The following PPP3CA variants were observed in gnomAD, a reference collection of about 807,000 sequenced individuals.
PPP3CA encodes the protein protein phosphatase 3 catalytic subunit alpha, also known as CAM-PRP catalytic subunit.
In PPP3CA, 14 loss-of-function variants were observed where a neutral mutation model predicts 66.5. The observed-to-expected ratio is 0.21, with a 90% CI of 0.14 to 0.33. PPP3CA has a LOEUF of 0.33. Ranked by LOEUF, PPP3CA falls within the 10% of genes least tolerant of loss-of-function variation. The pLI is 1.00. For missense variants in PPP3CA, 317 were observed against 639.5 expected (o/e 0.50, Z 5.44); for synonymous variants, 232 against 226.2 (o/e 1.03, Z -0.23).
chr4:101,043,873 G>T (rs2695204), intron 10 of PPP3CA, among the ~76,000 whole-genome samples: 105,000 of 151,706 alleles, frequency 0.69, 38,687 homozygotes, highest in East Asian at 1. Flanking sequence ...GAAACTCCAT[G>T]TCAAAAAAAA....
At chr4:101,090,123 A>G (rs1729847650) in intron 6 of PPP3CA, among the ~76,000 whole-genome samples, 1 of 152,178 alleles carries the variant, frequency 6.6e-6, no homozygotes, top group Non-Finnish European at 1.5e-5. Context: ...GATCCACTTT[A>G]TAAACCATAA....
At chr4:101,250,921 C>A (rs1726654293) in intron 1 of PPP3CA, among the ~76,000 whole-genome samples, 1 of 151,930 alleles carries the variant, frequency 6.6e-6, no homozygotes, top group African/African-American at 2.4e-5. Context: ...TTTTCCCGAA[C>A]AATCAGTTTG....
chr4:101,047,052 G>A (rs1727796543), intron 10 of PPP3CA, among the ~76,000 whole-genome samples: 2 of 152,150 alleles, frequency 1.3e-5, no homozygotes, highest in Admixed American at 1.3e-4. Flanking sequence ...AACAGTTGAA[G>A]TAATCCCTAA....
intron 8 of PPP3CA, among the ~76,000 whole-genome samples, chr4:101,063,805 T>A (rs1336539993): frequency 6.6e-6 from 1 of 151,924 alleles, no homozygotes; most frequent in East Asian, 1.9e-4. Flanking sequence ...ACAAAATAGT[T>A]TAAGTTAGAT....
At chr4:101,164,813 T>C (rs1360625342) in intron 2 of PPP3CA, among the ~76,000 whole-genome samples, 1 of 152,068 alleles carries the variant, frequency 6.6e-6, no homozygotes, top group Admixed American at 6.6e-5. Flanking sequence ...ACCAATAGCA[T>C]CTATCATAAT....
At chr4:101,342,782 A>G (rs1729857579) in intron 1 of PPP3CA, among the ~76,000 whole-genome samples, 1 of 152,164 alleles carries the variant, frequency 6.6e-6, no homozygotes, top group Non-Finnish European at 1.5e-5. Flanking sequence ...AAATGACATT[A>G]TTTACTACTC....
At chr4:101,332,004 A>G (rs1729402994) in intron 1 of PPP3CA, among the ~76,000 whole-genome samples, 1 of 152,174 alleles carries the variant, frequency 6.6e-6, no homozygotes, top group South Asian at 2.1e-4. Flanking sequence ...TATGCAAGAG[A>G]AAAAGGTTGA....
intron 1 of PPP3CA, among the ~76,000 whole-genome samples, chr4:101,199,332 C>A (rs966506302): frequency 1.3e-5 from 2 of 151,712 alleles, no homozygotes; most frequent in African/African-American, 4.9e-5. Flanking sequence ...CCCTTCCTTC[C>A]TTTGCTTTGA....
At chr4:101,112,518 C>T (rs2732511) in intron 2 of PPP3CA, among the ~76,000 whole-genome samples, 25,699 of 152,012 alleles carry the variant, frequency 0.17, 2,814 homozygotes, top group African/African-American at 0.3. Flanking sequence ...ATAGAAAGAC[C>T]ACCTATCATA....
intron 1 of PPP3CA, among the ~76,000 whole-genome samples, chr4:101,222,557 C>G (rs1725659829): frequency 6.6e-6 from 1 of 151,362 alleles, no homozygotes; most frequent in East Asian, 1.9e-4. Flanking sequence ...TTAAATTGCC[C>G]AACATTACAT....
chr4:101,115,244 T>C (rs1193775877), intron 2 of PPP3CA, among the ~76,000 whole-genome samples: 1 of 151,932 alleles, frequency 6.6e-6, no homozygotes, highest in Non-Finnish European at 1.5e-5. Context: ...CCAGTGTGCT[T>C]CTAAGTAGAG....
intron 1 of PPP3CA, among the ~76,000 whole-genome samples, chr4:101,298,339 G>GATATATATATATATAT (rs3078022): frequency 2.9e-4 from 41 of 143,824 alleles, no homozygotes; most frequent in African/African-American, 9.7e-4. Flanking sequence ...CAAGCAGGGA[G>GATATATATATATATAT]ATATATATAT....
At chr4:101,181,809 C>G (rs955623917) in intron 2 of PPP3CA, among the ~76,000 whole-genome samples, 12 of 151,982 alleles carry the variant, frequency 7.9e-5, no homozygotes, top group African/African-American at 2.9e-4. Flanking sequence ...TATGAGGAGA[C>G]TTACATATAG....
intron 2 of PPP3CA, among the ~76,000 whole-genome samples, chr4:101,124,341 C>T (rs1405707940): frequency 6.6e-6 from 1 of 151,980 alleles, no homozygotes; most frequent in Non-Finnish European, 1.5e-5. Flanking sequence ...CTATGTTGGG[C>T]TGGGTGTGGT....
intron 1 of PPP3CA, among the ~76,000 whole-genome samples, chr4:101,317,553 G>A (rs1728920004): frequency 6.6e-6 from 1 of 152,024 alleles, no homozygotes; most frequent in Admixed American, 6.6e-5. Context: ...TCATGATTAA[G>A]AGGCTCGAAA....
At chr4:101,252,222 C>T (rs1325178834) in intron 1 of PPP3CA, among the ~76,000 whole-genome samples, 1 of 152,106 alleles carries the variant, frequency 6.6e-6, no homozygotes, top group Non-Finnish European at 1.5e-5. Flanking sequence ...TGTCCTTAGC[C>T]AAAATGTCAT....
At chr4:101,261,599 T>C (rs1189665225) in intron 1 of PPP3CA, among the ~76,000 whole-genome samples, 1 of 152,114 alleles carries the variant, frequency 6.6e-6, no homozygotes, top group Non-Finnish European at 1.5e-5. Flanking sequence ...ATAAGCATTG[T>C]CCTTTATAAG....
chr4:101,249,820 A>T (rs1369834331), intron 1 of PPP3CA, among the ~76,000 whole-genome samples: 2 of 152,186 alleles, frequency 1.3e-5, no homozygotes, highest in East Asian at 3.8e-4. Context: ...TAAACTATTC[A>T]AAACAAATTG....
chr4:101,054,121 T>C, intron 10 of PPP3CA, among the ~76,000 whole-genome samples: 2 of 151,834 alleles, frequency 1.3e-5, no homozygotes, highest in East Asian at 3.9e-4. Flanking sequence ...TCTAAATGGG[T>C]TTTTTTTCTA....
Sources: gnomAD v4.1 joint callset for allele counts (sites outside exome capture counted in the v4.1 genomes callset) on GRCh38, gnomAD v4.1.1 for gene constraint, MANE v1.5 for transcripts, NCBI Gene and HGNC (gene_info 2026-07-23, HGNC 2026-07-21) for gene names.